The following PSD3 variants were observed in gnomAD, a reference collection of about 807,000 sequenced individuals.
PSD3 encodes the protein pleckstrin and Sec7 domain containing 3, also known as PH and SEC7 domain-containing protein 3.
In PSD3, 49 loss-of-function variants were observed where a neutral mutation model predicts 105.5. The observed-to-expected ratio is 0.46, with a 90% CI of 0.37 to 0.59. The LOEUF (loss-of-function observed/expected upper bound fraction) is 0.59. PSD3 is among the 20% of genes least tolerant of loss of function. The probability of loss-of-function intolerance (pLI) is 0.00; values close to 1 mark genes in which losing one functional copy is unlikely to be tolerated. For missense variants in PSD3, 1,561 were observed against 1,263.8 expected, an observed-to-expected ratio of 1.24 and a Z score of -3.57; for synonymous variants, 557 against 457.8, an observed-to-expected ratio of 1.22 and a Z score of -2.77.
intron 9 of PSD3, among the ~76,000 whole-genome samples, chr8:18,670,574 A>G (rs1315005134): frequency 6.6e-6 from 1 of 152,126 alleles, no homozygotes; most frequent in Non-Finnish European, 1.5e-5. Context: ...TTATATGAGA[A>G]AGGTGGACCA....
chr8:19,002,871 G>A (rs1050684089), intron 1 of PSD3, among the ~76,000 whole-genome samples: 1 of 152,026 alleles, frequency 6.6e-6, no homozygotes, highest in African/African-American at 2.4e-5. Context: ...AAGCACACCT[G>A]TAGGCAATCA....
At chr8:18,565,827 G>A (rs927617263) in intron 14 of PSD3, among the ~76,000 whole-genome samples, 2 of 152,104 alleles carry the variant, frequency 1.3e-5, no homozygotes, top group Admixed American at 1.3e-4. Context: ...GACCCCAGAA[G>A]ATATTTGGCA....
chr8:19,062,578 C>T (rs1027805), intron 1 of PSD3, among the ~76,000 whole-genome samples: 13,959 of 152,088 alleles, frequency 0.092, 2,130 homozygotes, highest in African/African-American at 0.32. Flanking sequence ...CTACTTAAAT[C>T]ATTTAAAAAA....
At chr8:18,885,153 C>T (rs1367714033) in intron 2 of PSD3, among the ~76,000 whole-genome samples, 1 of 152,160 alleles carries the variant, frequency 6.6e-6, no homozygotes, top group Non-Finnish European at 1.5e-5. Flanking sequence ...TCCTTTCAGC[C>T]TTTTACCTTC....
intron 1 of PSD3, among the ~76,000 whole-genome samples, chr8:19,054,136 C>G (rs187571993): frequency 6.6e-6 from 1 of 152,172 alleles, no homozygotes; most frequent in Non-Finnish European, 1.5e-5. Context: ...TCTCCTGCCG[C>G]GGGCTTGTTG....
chr8:19,011,572 A>G (rs906937159), intron 1 of PSD3, among the ~76,000 whole-genome samples: 23 of 152,226 alleles, frequency 1.5e-4, no homozygotes, highest in Admixed American at 1.2e-3. Context: ...AAGATTTACT[A>G]GCCTGTAAGA....
chr8:18,811,779 T>C (rs1811707580), intron 4 of PSD3, among the ~76,000 whole-genome samples: 1 of 152,126 alleles, frequency 6.6e-6, no homozygotes. Context: ...GAACGGAGAA[T>C]ACCCAGAGAG....
intron 4 of PSD3, among the ~76,000 whole-genome samples, chr8:18,834,973 A>T (rs1813986584): frequency 6.6e-6 from 1 of 152,242 alleles, no homozygotes; most frequent in Non-Finnish European, 1.5e-5. Context: ...GACATGTGGA[A>T]ATAAAGCTCA....
intron 9 of PSD3, among the ~76,000 whole-genome samples, chr8:18,707,679 T>C (rs2129420077): frequency 6.6e-6 from 1 of 152,282 alleles, no homozygotes; most frequent in South Asian, 2.1e-4. Context: ...TCAGGGCCCA[T>C]GTTTGTTACC....
At chr8:19,044,792 G>T (rs570595754) in intron 1 of PSD3, among the ~76,000 whole-genome samples, 31 of 146,088 alleles carry the variant, frequency 2.1e-4, no homozygotes, top group African/African-American at 8.3e-4. Context: ...ATTCTTCAAG[G>T]ATGAATAGGA....
At chr8:18,594,247 T>C (rs796811818) in intron 12 of PSD3, among the ~76,000 whole-genome samples, 8,174 of 11,368 alleles carry the variant, frequency 0.72, 3,864 homozygotes, top group Middle Eastern at 1. Context: ...TATTATTATA[T>C]ATATTATATA....
rs2634454 is a variant in PSD3 at position 18,557,571 on chromosome 8, G to C, written c.2785-1219C>G. On this transcript the variant is annotated intron_variant, in intron 14 of 15. Transcript: ENST00000327040. ...AAACAATGACAAGTAAAAAGCAGAG[G>C]ACACGAATGGAAAAATGAACAAGAA... 3 of 154,074 alleles carry C rather than the reference G, an allele frequency of 1.9e-5. No homozygotes were observed. The East Asian group carries it at 5.8e-4, about 30-fold the overall frequency. The allele number at this position is 154,074 out of a possible 1,614,324, so 9.5% of individuals were successfully genotyped here.
intron 1 of PSD3, among the ~76,000 whole-genome samples, chr8:18,949,838 C>A (rs953260342): frequency 2.0e-5 from 3 of 151,636 alleles, no homozygotes; most frequent in Admixed American, 6.6e-5. Context: ...AGTTCTCAGA[C>A]GAATAACACT....
intron 3 of PSD3, among the ~76,000 whole-genome samples, chr8:18,870,035 G>A (rs1220322045): frequency 1.3e-5 from 2 of 152,120 alleles, no homozygotes; most frequent in East Asian, 1.9e-4. Context: ...TATAAACACT[G>A]GGCCACATGC....
intron 3 of PSD3, among the ~76,000 whole-genome samples, chr8:18,869,130 C>T (rs1485645001): frequency 6.6e-6 from 1 of 150,720 alleles, no homozygotes; most frequent in East Asian, 1.9e-4. Context: ...TAAACTGGAC[C>T]GTTCCTAAGA....
chr8:18,694,344 C>T (rs976310089), intron 9 of PSD3, among the ~76,000 whole-genome samples: 5 of 152,194 alleles, frequency 3.3e-5, no homozygotes, highest in East Asian at 1.9e-4. Flanking sequence ...GGCGCGGTGG[C>T]GCACGTCTGT....
chr8:18,622,516 G>C (rs546634288), intron 11 of PSD3, among the ~76,000 whole-genome samples: 1 of 152,086 alleles, frequency 6.6e-6, no homozygotes, highest in African/African-American at 2.4e-5. Context: ...ATTTGTATCT[G>C]TATTGATTAC....
intron 11 of PSD3, among the ~76,000 whole-genome samples, chr8:18,612,299 T>C (rs534273521): frequency 2.0e-5 from 3 of 152,288 alleles, no homozygotes; most frequent in South Asian, 2.1e-4. Flanking sequence ...TTACTTCAGG[T>C]TGACATTTCA....
chr8:18,885,003 T>C (rs1029021261), intron 2 of PSD3, among the ~76,000 whole-genome samples: 3 of 152,202 alleles, frequency 2.0e-5, no homozygotes, highest in Non-Finnish European at 1.5e-5. Flanking sequence ...AACACTAAGC[T>C]GTAAGAGCTG....
Sources: allele counts gnomAD v4.1 joint callset (sites outside exome capture counted in the v4.1 genomes callset), GRCh38; gene constraint gnomAD v4.1.1; transcripts MANE v1.5; gene names NCBI Gene and HGNC (gene_info 2026-07-23, HGNC 2026-07-21).